Variants in SPOCK3 observed in about 807,000 individuals in gnomAD.
SPOCK3 encodes the protein SPARC (osteonectin), cwcv and kazal like domains proteoglycan 3, also known as testican-3.
SPOCK3 carries 30 observed loss-of-function variants against 56.6 expected under a neutral mutation model. The ratio of observed to expected loss-of-function variants is 0.53; its 90% CI spans 0.40 to 0.72. SPOCK3 has a LOEUF of 0.72. Among genes scored for constraint, SPOCK3 ranks in the 30% least tolerant of loss-of-function variants. The probability of loss-of-function intolerance (pLI) is 0.00; values close to 1 mark genes in which losing one functional copy is unlikely to be tolerated. For missense variants in SPOCK3, 527 were observed against 530.0 expected (o/e 0.99, Z 0.06); for synonymous variants, 196 against 183.3 (o/e 1.07, Z -0.56).
At chr4:167,181,570 C>T (rs942355988) in intron 2 of SPOCK3, among the ~76,000 whole-genome samples, 4 of 152,184 alleles carry the variant, frequency 2.6e-5, no homozygotes, top group African/African-American at 4.8e-5. Context: ...TACTACCACT[C>T]TGACTTTATC....
rs1291110197 is a variant in SPOCK3 at position 166,782,782 on chromosome 4, A to G, written c.709+9388T>C. ...CCAGAATCTGAGCTCACATTAATAA[A>G]TTGTAAATAGGTTTAAAGATTTAAG... On this transcript the variant is annotated intron_variant, in intron 7 of 10. Transcript: ENST00000357545. Among the ~76,000 whole-genome samples, 3 of 152,196 alleles carry G rather than the reference A, an allele frequency of 2.0e-5. No homozygotes were observed. In the East Asian group the frequency reaches 5.8e-4, roughly 29 times the overall value.
At chr4:166,904,689 G>A (rs758916377) in intron 5 of SPOCK3, among the ~76,000 whole-genome samples, 6 of 151,970 alleles carry the variant, frequency 3.9e-5, no homozygotes, top group Non-Finnish European at 7.4e-5. Context: ...GAGTAGAATT[G>A]GGGGTGTTAG....
At chr4:166,739,945 C>T (rs1015236178) in intron 9 of SPOCK3, among the ~76,000 whole-genome samples, 13 of 152,030 alleles carry the variant, frequency 8.6e-5, no homozygotes, top group Non-Finnish European at 1.2e-4. Flanking sequence ...AACTTCAGAA[C>T]GCTTTCTATG....
At chr4:166,847,681 A>ATATAT (rs1560926812) in intron 6 of SPOCK3, among the ~76,000 whole-genome samples, 17 of 91,216 alleles carry the variant, frequency 1.9e-4, no homozygotes, top group Admixed American at 3.5e-4. Flanking sequence ...ATATATATAT[A>ATATAT]AGAATCATGT....
chr4:167,003,906 A>G (rs904138067), intron 3 of SPOCK3, among the ~76,000 whole-genome samples: 7 of 151,994 alleles, frequency 4.6e-5, no homozygotes, highest in Non-Finnish European at 7.4e-5. Context: ...ATCTTTTGCC[A>G]GAATACTTGT....
At chr4:167,062,268 T>C (rs573903462) in intron 3 of SPOCK3, among the ~76,000 whole-genome samples, 1 of 151,774 alleles carries the variant, frequency 6.6e-6, no homozygotes, top group Non-Finnish European at 1.5e-5. Flanking sequence ...ATCTAAAACA[T>C]GTATCTAAAA....
chr4:167,090,966 C>T (rs1281905331), intron 2 of SPOCK3, among the ~76,000 whole-genome samples: 1 of 152,110 alleles, frequency 6.6e-6, no homozygotes, highest in Admixed American at 6.6e-5. Context: ...TCAGGACATA[C>T]TGTCTTTAAA....
In SPOCK3 at chr4:166,880,387, A is replaced by G. The variant is rs539845312; in HGVS notation, c.589+8743T>C. Among the ~76,000 whole-genome samples, 452 of 152,168 alleles carry G rather than the reference A, an allele frequency of 3.0e-3. 1 individual carries two copies. Among genetic ancestry groups the G allele is most frequent in the African/African-American group, 0.01 (433 of 41,514 alleles). On this transcript the variant is annotated intron_variant, in intron 6 of 10. Transcript: ENST00000357545. ...TTCTTCTTCCTTTTCTGACCCATGC[A>G]TGTATAGTCTTTTCCAGAACTGAGC...
Position 167,131,062 on chromosome 4 carries a change from A to G in SPOCK3, c.190-68525T>C, listed in dbSNP as rs1050105530. ...TGATATTCTAAATGTATATTAGTTG[A>G]ATAAATCTAAGGTTCAAGGTTTTTA... On this transcript the variant is annotated intron_variant, in intron 2 of 10. Transcript: ENST00000357545. Among the ~76,000 whole-genome samples the G allele has an allele frequency of 6.6e-5, 10 of 152,190 alleles. No homozygotes were observed. In the East Asian group the frequency reaches 1.9e-3, roughly 29 times the overall value.
At chr4:167,121,092 G>A (rs375765265) in intron 2 of SPOCK3, among the ~76,000 whole-genome samples, 1 of 150,774 alleles carries the variant, frequency 6.6e-6, no homozygotes, top group African/African-American at 2.4e-5. Context: ...ATCTAACCTG[G>A]GTGTTTTTTT....
chr4:167,023,037 T>C (rs1445575771), intron 3 of SPOCK3, among the ~76,000 whole-genome samples: 3 of 152,022 alleles, frequency 2.0e-5, no homozygotes, highest in Non-Finnish European at 4.4e-5. Context: ...TACACAATGA[T>C]TGTGGTGACA....
chr4:167,028,288 G>A (rs956513883), intron 3 of SPOCK3, among the ~76,000 whole-genome samples: 5 of 151,314 alleles, frequency 3.3e-5, no homozygotes, highest in Admixed American at 2.6e-4. Flanking sequence ...GAGGCAAGAG[G>A]ATCACCTGAG....
intron 3 of SPOCK3, among the ~76,000 whole-genome samples, chr4:167,010,592 T>C (rs1749941268): frequency 6.6e-6 from 1 of 150,428 alleles, no homozygotes. Flanking sequence ...AATATGTTCA[T>C]AAAGATACAT....
At chr4:166,948,530 T>TA (rs1271123807) in intron 4 of SPOCK3, among the ~76,000 whole-genome samples, 3 of 152,182 alleles carry the variant, frequency 2.0e-5, no homozygotes, top group East Asian at 3.9e-4. Flanking sequence ...CATTTTTTTT[T>TA]ATCTTCTGAC....
At chr4:167,170,337 T>TA (rs1296329912) in intron 2 of SPOCK3, among the ~76,000 whole-genome samples, 1 of 152,020 alleles carries the variant, frequency 6.6e-6, no homozygotes, top group African/African-American at 2.4e-5. Flanking sequence ...CAACTCAACT[T>TA]AAAAGCGCTA....
chr4:166,972,855 TG>T (rs113538734), intron 4 of SPOCK3, among the ~76,000 whole-genome samples: 166 of 152,228 alleles, frequency 1.1e-3, no homozygotes, highest in African/African-American at 3.8e-3. Flanking sequence ...TGTTGAAAAC[TG>T]AATCAAATTA....
At chr4:167,160,626 C>T (rs991830493) in intron 2 of SPOCK3, among the ~76,000 whole-genome samples, 11 of 152,198 alleles carry the variant, frequency 7.2e-5, no homozygotes, top group African/African-American at 2.6e-4. Context: ...CATCACTCTA[C>T]CTGACTTCAA....
intron 5 of SPOCK3, among the ~76,000 whole-genome samples, chr4:166,908,837 C>G (rs886846790): frequency 6.6e-6 from 1 of 151,932 alleles, no homozygotes; most frequent in East Asian, 1.9e-4. Context: ...TAGTTCTTAC[C>G]GCAGCTTGAC....
At chr4:166,837,106 T>C (rs938104775) in intron 6 of SPOCK3, among the ~76,000 whole-genome samples, 1 of 152,190 alleles carries the variant, frequency 6.6e-6, no homozygotes, top group African/African-American at 2.4e-5. Flanking sequence ...GAGGACTTTC[T>C]CCTTCCTTAT....
Sources: gnomAD v4.1 joint callset for allele counts (sites outside exome capture counted in the v4.1 genomes callset) on GRCh38, gnomAD v4.1.1 for gene constraint, MANE v1.5 for transcripts, NCBI Gene and HGNC (gene_info 2026-07-23, HGNC 2026-07-21) for gene names.